The following RGS7 variants were observed in gnomAD, a reference collection of about 807,000 sequenced individuals.
RGS7 encodes regulator of G-protein signaling 7.
A neutral mutation model predicts 81.1 loss-of-function variants in RGS7; 27 were observed. That is an observed-to-expected ratio of 0.33 (90% CI 0.25 to 0.46). The LOEUF (loss-of-function observed/expected upper bound fraction) is 0.46. Ranked by LOEUF, RGS7 falls within the 20% of genes least tolerant of loss-of-function variation. The probability of loss-of-function intolerance (pLI) is 1.00; values close to 1 mark genes in which losing one functional copy is unlikely to be tolerated. For missense variants in RGS7, 396 were observed against 607.4 expected, an observed-to-expected ratio of 0.65 and a Z score of 3.66; for synonymous variants, 208 against 207.7, an observed-to-expected ratio of 1.00 and a Z score of -0.01.
chr1:241,191,131 G>A (rs370885774), intron 2 of RGS7, among the ~76,000 whole-genome samples: 11 of 152,020 alleles, frequency 7.2e-5, no homozygotes, highest in South Asian at 2.1e-4. Flanking sequence ...ACAGGTGCAC[G>A]CCACCACATT....
intron 18 of RGS7, 49 bp downstream of exon 18, chr1:240,800,592 C>T (rs1395258655): frequency 8.3e-7 from 1 of 1,212,054 alleles, no homozygotes; most frequent in African/African-American, 1.5e-5. Context: ...AACCACACAA[C>T]TCAACAGACA....
At chr1:241,070,585 T>A (rs1430942456) in intron 3 of RGS7, among the ~76,000 whole-genome samples, 1 of 152,200 alleles carries the variant, frequency 6.6e-6, no homozygotes, top group Non-Finnish European at 1.5e-5. Context: ...GAGGCCTTGA[T>A]TAGAGCTGGG....
intron 3 of RGS7, among the ~76,000 whole-genome samples, chr1:241,052,553 T>TC (rs2061307274): frequency 6.6e-6 from 1 of 152,138 alleles, no homozygotes; most frequent in Non-Finnish European, 1.5e-5. Context: ...TGCCTTAGCT[T>TC]GACCTTCTCT....
At chr1:240,900,992 G>A (rs1333205361) in intron 6 of RGS7, among the ~76,000 whole-genome samples, 2 of 152,180 alleles carry the variant, frequency 1.3e-5, no homozygotes, top group Non-Finnish European at 2.9e-5. Context: ...CCTCAGCAGT[G>A]GCAGACACCC....
intron 2 of RGS7, among the ~76,000 whole-genome samples, chr1:241,138,575 C>G (rs2067694015): frequency 1.3e-5 from 2 of 152,194 alleles, no homozygotes; most frequent in African/African-American, 4.8e-5. Flanking sequence ...CTTGGTCCAG[C>G]TGTAGCAGAG....
chr1:241,123,121 C>T (rs903794574), intron 2 of RGS7, among the ~76,000 whole-genome samples: 1 of 152,184 alleles, frequency 6.6e-6, no homozygotes, highest in Non-Finnish European at 1.5e-5. Context: ...TGGTGTCAAT[C>T]AGGGCTTTTT....
At chr1:241,223,022 C>T (rs745833110) in intron 2 of RGS7, among the ~76,000 whole-genome samples, 1 of 152,080 alleles carries the variant, frequency 6.6e-6, no homozygotes, top group Non-Finnish European at 1.5e-5. Context: ...GCATAGTATT[C>T]CAAGGTGTAT....
intron 2 of RGS7, among the ~76,000 whole-genome samples, chr1:241,270,388 G>A (rs2077813882): frequency 6.6e-6 from 1 of 152,192 alleles, no homozygotes; most frequent in African/African-American, 2.4e-5. Flanking sequence ...ACCTTGGGAT[G>A]CAGAAATACT....
At chr1:241,109,911 T>C (rs1208106536) in intron 2 of RGS7, among the ~76,000 whole-genome samples, 2 of 152,044 alleles carry the variant, frequency 1.3e-5, no homozygotes, top group Admixed American at 1.3e-4. Context: ...TGAGCCGAGA[T>C]TATGCCACTG....
intron 2 of RGS7, among the ~76,000 whole-genome samples, chr1:241,281,100 G>A (rs1171543048): frequency 6.6e-6 from 1 of 152,030 alleles, no homozygotes; most frequent in Non-Finnish European, 1.5e-5. Context: ...TAAAATATAT[G>A]TAGATACTAG....
At position 241,030,377 on chromosome 1, in the gene RGS7, T is replaced by TATATATATATAC. The variant is rs71793632; in HGVS notation, c.176-47249_176-47248insGTATATATATAT. Among the ~76,000 whole-genome samples, 523 of 137,422 alleles carry TATATATATATAC rather than the reference T, an allele frequency of 3.8e-3. 11 individuals are homozygous for TATATATATATAC. Among genetic ancestry groups the TATATATATATAC allele is most frequent in the African/African-American group, 0.013 (458 of 35,946 alleles). The allele number at this position is 137,422 out of a possible 152,430, so 90.2% of individuals were successfully genotyped here. A position where few individuals can be genotyped will look rare whatever the true frequency, so the allele number is the denominator to read the frequency against. On this transcript the variant is annotated intron_variant, in intron 3 of 18. Transcript: ENST00000440928. The stretch of plus-strand genomic sequence containing the variant: ...AACTTATAGCATATATATATATACA[T>TATATATATATAC]ACACACATACATACACACACACACT...
At chr1:240,793,724 C>T (rs1360683039) in intron 18 of RGS7, among the ~76,000 whole-genome samples, 2 of 150,480 alleles carry the variant, frequency 1.3e-5, no homozygotes, top group Non-Finnish European at 2.9e-5. Flanking sequence ...ATTCTCCTGC[C>T]TCAGCCTCCC....
At chr1:240,899,635 A>T (rs1669657993) in intron 6 of RGS7, among the ~76,000 whole-genome samples, 1 of 152,234 alleles carries the variant, frequency 6.6e-6, no homozygotes, top group African/African-American at 2.4e-5. Context: ...TGGCTTGTAG[A>T]GTTTCTGCTG....
intron 2 of RGS7, among the ~76,000 whole-genome samples, chr1:241,325,160 G>C (rs544058825): frequency 1.3e-5 from 2 of 152,266 alleles, no homozygotes; most frequent in African/African-American, 2.4e-5. Context: ...TGCTACGGGG[G>C]AAACCCAATT....
At chr1:240,802,818 T>C in intron 16 of RGS7, 86 bp downstream of exon 16, 1 of 885,472 alleles carries the variant, frequency 1.1e-6, no homozygotes, top group Admixed American at 1.7e-5. Context: ...ATTAGTCCAA[T>C]ACCCTGGATT....
chr1:240,838,392 GAGGACACAAATGTTC>G (rs1399522152), intron 9 of RGS7, among the ~76,000 whole-genome samples: 1 of 152,194 alleles, frequency 6.6e-6, no homozygotes, highest in Non-Finnish European at 1.5e-5. Flanking sequence ...TGAATTTGGG[GAGGACACAAATGTTC>G]AGACCAGAGC....
rs2077878069 is a variant in RGS7, at chr1:241,271,182, T to G, written c.78+84517A>C. On this transcript the variant is annotated intron_variant, in intron 2 of 18. Transcript: ENST00000440928. This position sits in a 1 kb window ranked among gnomAD's most constrained non-coding sequence, Gnocchi z 4.6. Reference sequence around the variant, plus strand: ...CGTGGCTAAAACGTCTCCTTTATAATGTGGAGCTAAACAGTTCAAAATCTT... The same window carrying G: ...CGTGGCTAAAACGTCTCCTTTATAAGGTGGAGCTAAACAGTTCAAAATCTT... Among the ~76,000 whole-genome samples the G allele has an allele frequency of 6.6e-6, 1 of 152,184 alleles. No homozygotes were observed. Among genetic ancestry groups the G allele is most frequent in the Non-Finnish European group, 1.5e-5 (1 of 68,032 alleles).
intron 2 of RGS7, among the ~76,000 whole-genome samples, chr1:241,310,882 C>T (rs1172779185): frequency 6.6e-6 from 1 of 152,208 alleles, no homozygotes; most frequent in African/African-American, 2.4e-5. Context: ...AAGAAGGCTA[C>T]ACAATGCACA....
rs550359430 is a variant in RGS7 at position 240,915,481 on chromosome 1, T to C, written c.385+15236A>G. ...GCAACGGAAAGAACTGTATGACCCA[T>C]GCCTTATTTAAGAAGAAGTTTCTAG... On this transcript the variant is annotated intron_variant, in intron 6 of 18. Coordinates refer to ENST00000440928, the MANE Select transcript of RGS7 (RefSeq NM_001364886.1). Among the ~76,000 whole-genome samples, 5 of 152,292 alleles carry C rather than the reference T, an allele frequency of 3.3e-5. No homozygotes were observed. The South Asian group carries it at 1.0e-3, about 32-fold the overall frequency.
Sources: allele counts gnomAD v4.1 joint callset (sites outside exome capture counted in the v4.1 genomes callset), GRCh38; gene constraint gnomAD v4.1.1; non-coding constraint Gnocchi (gnomAD v3.1); transcripts MANE v1.5; gene names NCBI Gene and HGNC (gene_info 2026-07-23, HGNC 2026-07-21).